The following PCDHA4 variants were observed in gnomAD, a reference collection of about 807,000 sequenced individuals.
The protein encoded by PCDHA4 is protocadherin alpha-4.
PCDHA4 carries 49 observed loss-of-function variants against 61.4 expected under a neutral mutation model. The observed-to-expected ratio is 0.80, with a 90% CI of 0.63 to 1.01. The LOEUF (loss-of-function observed/expected upper bound fraction) is 1.01. Ranked by LOEUF, PCDHA4 falls within the 50% of genes least tolerant of loss-of-function variation. The probability of loss-of-function intolerance (pLI) is 0.00; values close to 1 mark genes in which losing one functional copy is unlikely to be tolerated. For synonymous variants in PCDHA4, 590 were observed against 550.3 expected (o/e 1.07, Z -1.01); for missense variants, 1,254 against 1,235.8 (o/e 1.01, Z -0.22).
At chr5:140,875,465 T>G in intron 1 of PCDHA4, 1 of 1,599,690 alleles carries the variant, frequency 6.3e-7, no homozygotes, top group Non-Finnish European at 8.5e-7. Flanking sequence ...AGGCCCTCAT[T>G]TTCTGCAATG....
intron 1 of PCDHA4, chr5:140,871,350 C>T (rs782168219): frequency 5.6e-6 from 9 of 1,614,194 alleles, no homozygotes; most frequent in Non-Finnish European, 7.6e-6. Flanking sequence ...GCTGGTCATA[C>T]TCGCAGCAGA....
intron 1 of PCDHA4, chr5:140,814,443 T>A (rs2126655227): frequency 2.0e-5 from 3 of 150,026 alleles, no homozygotes; most frequent in Non-Finnish European, 2.9e-5. Flanking sequence ...TGTGGTGACC[T>A]TTTTTCTTTT....
intron 1 of PCDHA4, chr5:140,870,789 G>T (rs1554164716): frequency 1.2e-6 from 2 of 1,613,512 alleles, no homozygotes; most frequent in East Asian, 2.2e-5. Context: ...ACAACGCGCC[G>T]GCACTGCTGG....
chr5:140,863,793 G>A (rs2048183012), intron 1 of PCDHA4: 1 of 216,012 alleles, frequency 4.6e-6, no homozygotes, highest in East Asian at 1.1e-4. Flanking sequence ...GAGGCCAGGA[G>A]TTTGAGACCA....
intron 1 of PCDHA4, among the ~76,000 whole-genome samples, chr5:140,896,328 A>G (rs1157543991): frequency 6.6e-6 from 1 of 152,138 alleles, no homozygotes; most frequent in Non-Finnish European, 1.5e-5. Flanking sequence ...CACAGTGGCT[A>G]AACTAATTTA....
chr5:140,887,885 A>G (rs1281444456), intron 1 of PCDHA4, among the ~76,000 whole-genome samples: 1 of 152,144 alleles, frequency 6.6e-6, no homozygotes, highest in Non-Finnish European at 1.5e-5. Context: ...TTGTAGTATC[A>G]TATCTGTTAA....
rs2150126265 is a variant in PCDHA4 at position 140,823,483 on chromosome 5, G to A, written c.2385+13911G>A. ...GCCGGCGCTGCTGGTGCCTCGAGTG[G>A]GTGGCACCGGCGGCGCAGTGAGCGA... On this transcript the variant is annotated intron_variant, in intron 1 of 3. Coordinates refer to ENST00000530339, the MANE Select transcript of PCDHA4 (RefSeq NM_018907.4). 3 of 1,613,434 alleles carry A rather than the reference G, an allele frequency of 1.9e-6. No individual in the cohort carries two copies. The South Asian group carries it at 3.3e-5, about 18-fold the overall frequency.
At chr5:140,835,553 G>A in intron 1 of PCDHA4, 2 of 1,613,872 alleles carry the variant, frequency 1.2e-6, no homozygotes, top group Admixed American at 1.7e-5. Flanking sequence ...GCTCCCTGAC[G>A]CCCCGCGTTC....
In PCDHA4 at chr5:140,929,079, T is replaced by G. The variant is rs76301676; in HGVS notation, c.2386-49870T>G. 5,184 of 1,614,178 alleles carry G rather than the reference T, an allele frequency of 3.2e-3. 26 individuals are homozygous for G. Among genetic ancestry groups the G allele is most frequent in the African/African-American group, 0.019 (1,450 of 75,034 alleles). On this transcript the variant is annotated intron_variant, in intron 1 of 3. Transcript: ENST00000530339. ...CTACAGAGGATCTGAGGTATGGAAGTAAGATGGTTTCAAATCCTTGCATGA... is the reference window on the plus strand; with the variant it reads ...CTACAGAGGATCTGAGGTATGGAAGGAAGATGGTTTCAAATCCTTGCATGA...
At chr5:140,979,826 G>A (rs1338756237) in intron 2 of PCDHA4, among the ~76,000 whole-genome samples, 1 of 152,184 alleles carries the variant, frequency 6.6e-6, no homozygotes, top group East Asian at 1.9e-4. Context: ...TAATTTTAAA[G>A]AAGAAATAAT....
intron 1 of PCDHA4, chr5:140,884,494 C>A: frequency 6.2e-7 from 1 of 1,614,068 alleles, no homozygotes; most frequent in Non-Finnish European, 8.5e-7. Context: ...TAGTGTGCTC[C>A]AGCGCGGCAG....
Position 140,807,396 on chromosome 5 carries a change from G to C in PCDHA4, c.209G>C (p.Gly70Ala). The change falls in exon 1 of 4, where the codon GGC (glycine) becomes GCC (alanine). Residue 70 changes from glycine to alanine, a missense_variant. Physicochemically the swap from Gly to Ala is moderately conservative, Grantham distance 60 (BLOSUM62 0). Transcript: ENST00000530339. ...CGCCTGTTCCGGGTGGCGTCCAAGG[G>C]CCGCGGAGGCCTTCTGGAGGTAAAT... ...VPRLFRVASK[G>A]RGGLLEVNLQ... 1 of 1,442,524 alleles carries C rather than the reference G, an allele frequency of 6.9e-7. No individual in the cohort carries two copies. Among genetic ancestry groups the C allele is most frequent in the Non-Finnish European group, 9.5e-7 (1 of 1,049,822 alleles). The allele number at this position is 1,442,524 out of a possible 1,614,324, so 89.4% of individuals were successfully genotyped here. A position where few individuals can be genotyped will look rare whatever the true frequency, so the allele number is the denominator to read the frequency against.
At chr5:140,999,977 C>T (rs1554257051) in intron 3 of PCDHA4, among the ~76,000 whole-genome samples, 1 of 152,068 alleles carries the variant, frequency 6.6e-6, no homozygotes, top group Non-Finnish European at 1.5e-5. Flanking sequence ...GCAGCTCTAG[C>T]GGCCTCTGGG....
intron 1 of PCDHA4, among the ~76,000 whole-genome samples, chr5:140,837,787 C>T (rs1177845045): frequency 3.3e-5 from 5 of 151,766 alleles, no homozygotes; most frequent in Non-Finnish European, 7.4e-5. Context: ...CAGGATCCTC[C>T]CATCTCAGCC....
At chr5:140,863,942 G>C (rs868949663) in intron 1 of PCDHA4, 1 of 159,974 alleles carries the variant, frequency 6.3e-6, no homozygotes, top group Non-Finnish European at 1.4e-5. Context: ...CAGAGGTTGC[G>C]GTGAGCCTAG....
At chr5:140,813,927 G>T (rs182316229) in intron 1 of PCDHA4, 1 of 152,448 alleles carries the variant, frequency 6.6e-6, no homozygotes, top group East Asian at 1.9e-4. Context: ...GACTTGAGGA[G>T]GTCAAGGCTA....
intron 1 of PCDHA4, among the ~76,000 whole-genome samples, chr5:140,888,308 G>A (rs1383199158): frequency 1.3e-5 from 2 of 152,106 alleles, no homozygotes; most frequent in Non-Finnish European, 2.9e-5. Flanking sequence ...AGATAATTTG[G>A]CAATGCCTGG....
chr5:140,858,436 G>T (rs781811192), intron 1 of PCDHA4: 1 of 1,542,522 alleles, frequency 6.5e-7, no homozygotes, highest in Admixed American at 2.0e-5. Flanking sequence ...ACTCTAGGAA[G>T]GTGGGTTATT....
intron 1 of PCDHA4, chr5:140,928,117 A>G (rs781867812): frequency 1.1e-5 from 18 of 1,614,208 alleles, no homozygotes; most frequent in Non-Finnish European, 1.5e-5. Context: ...GGAGCAGATC[A>G]GTGAATACCA....
Sources: allele counts gnomAD v4.1 joint callset (sites outside exome capture counted in the v4.1 genomes callset), GRCh38; gene constraint gnomAD v4.1.1; transcripts MANE v1.5; gene names NCBI Gene and HGNC (gene_info 2026-07-23, HGNC 2026-07-21).